TPT1: variants seen among roughly 807,000 people sequenced by gnomAD.
The protein encoded by TPT1 is translationally-controlled tumor protein.
In TPT1, 5 loss-of-function variants were observed where a neutral mutation model predicts 22.8. The ratio of observed to expected loss-of-function variants is 0.22; its 90% CI spans 0.11 to 0.46. The LOEUF (loss-of-function observed/expected upper bound fraction) is 0.46, where lower values mean the gene tolerates loss of function less well. Ranked by LOEUF, TPT1 falls within the 20% of genes least tolerant of loss-of-function variation. The pLI, the probability that TPT1 is intolerant of heterozygous loss-of-function variation, is 0.99. For missense variants in TPT1, 130 were observed against 218.7 expected, an observed-to-expected ratio of 0.59 and a Z score of 2.56; for synonymous variants, 89 against 73.6, an observed-to-expected ratio of 1.21 and a Z score of -1.07.
At chr13:45,339,243 G>A (rs1030554355) in intron 4 of TPT1, 3 of 417,860 alleles carry the variant, frequency 7.2e-6, no homozygotes, top group Middle Eastern at 6.4e-4. Context: ...GTAGCAATGA[G>A]ACACATTAAA....
Position 45,340,712 on chromosome 13 carries a change from CT to C in TPT1, c.101del (p.Lys34ArgfsTer33). 1 of 1,539,686 alleles carries C rather than the reference CT, an allele frequency of 6.5e-7. No homozygotes were observed. Among genetic ancestry groups the C allele is most frequent in the South Asian group, 1.3e-5 (1 of 79,832 alleles). On this transcript the variant is annotated frameshift_variant and splice_region_variant, in exon 2 of 6. Transcript: ENST00000530705. LOFTEE classifies it high-confidence loss of function. ...CCACGCGCAGGCCCGACCGACTCAC[CT>C]TCCCCTCCACCTCCAGGCACAACCC... is the stretch of plus-strand genomic sequence containing the variant. ...ADGLCLEVEG[K>X]MVSRTEGNID...
rs943027715 is a variant in TPT1 at position 45,335,966 on chromosome 13, A to T, written c.*1420T>A. On this transcript the variant is annotated 3_prime_UTR_variant, in exon 6 of 6. Transcript: ENST00000530705. ...GACCAGAGTCACTGGCCTGCTTTTA[A>T]TCTTTCTTTTACAAGTGTAATCAAC... 5.9e-5 allele frequency: 9 copies of T among 152,148 alleles called. No individual in the cohort carries two copies. Among genetic ancestry groups the T allele is most frequent in the African/African-American group, 2.2e-4 (9 of 41,426 alleles). The allele number at this position is 152,148 out of a possible 1,614,324, so 9.4% of individuals were successfully genotyped here. A position where few individuals can be genotyped will look rare whatever the true frequency, so the allele number is the denominator to read the frequency against.
intron 5 of TPT1, chr13:45,338,263 G>T (rs919000439): frequency 3.0e-5 from 6 of 197,726 alleles, no homozygotes; most frequent in African/African-American, 1.2e-4. Context: ...GGGATTACAG[G>T]TGCCCGCTGC....
Position 45,336,066 on chromosome 13 carries a change from G to C in TPT1, c.*1320C>G, listed in dbSNP as rs1878663425. On this transcript the variant is annotated 3_prime_UTR_variant, in exon 6 of 6. Coordinates refer to ENST00000530705, the MANE Select transcript of TPT1 (RefSeq NM_003295.4). ...CCTCCCAGGCTAGGCCTGCACTTTGGGAGGCTGAGGTGGGCAGATCTCCTT... is the reference window on the plus strand; with the variant it reads ...CCTCCCAGGCTAGGCCTGCACTTTGCGAGGCTGAGGTGGGCAGATCTCCTT... 1 of 152,224 alleles carries C rather than the reference G, an allele frequency of 6.6e-6. No individual in the cohort carries two copies. The highest frequency in any genetic ancestry group is 2.1e-4 in the South Asian group (1 of 4,836). The allele number at this position is 152,224 out of a possible 1,614,324, so 9.4% of individuals were successfully genotyped here. A position where few individuals can be genotyped will look rare whatever the true frequency, so the allele number is the denominator to read the frequency against.
At chr13:45,340,609 C>T (rs1459920113) in intron 2 of TPT1, 103 bp downstream of exon 2, 2 of 1,343,514 alleles carry the variant, frequency 1.5e-6, no homozygotes, top group Non-Finnish European at 2.1e-6. Context: ...GTCTCCTCCG[C>T]CAGGAGGCGG....
At position 45,335,258 on chromosome 13, in the gene TPT1, G is replaced by C. The variant is rs887656685; in HGVS notation, c.*2128C>G. 7 of 152,150 alleles carry C rather than the reference G, an allele frequency of 4.6e-5. No homozygotes were observed. Among genetic ancestry groups the C allele is most frequent in the East Asian group, 1.9e-4 (1 of 5,196 alleles). 9.4% of individuals were successfully genotyped at this position (152,150 alleles called of 1,614,324 possible). ...GGTTTACCATGAGGTAAACAGCTGG[G>C]GTTCATCACTTCTGACTTAAATAGA... On this transcript the variant is annotated 3_prime_UTR_variant, in exon 6 of 6. Transcript: ENST00000530705.
Position 45,336,414 on chromosome 13 carries a change from T to C in TPT1, c.*972A>G, listed in dbSNP as rs917666822. The C allele has an allele frequency of 2.0e-5, 3 of 152,248 alleles. No individual in the cohort carries two copies. The highest frequency in any genetic ancestry group is 6.5e-5 in the Admixed American group (1 of 15,284). 9.4% of individuals were successfully genotyped at this position (152,248 alleles called of 1,614,324 possible). On this transcript the variant is annotated 3_prime_UTR_variant, in exon 6 of 6. Transcript: ENST00000530705. ...CTGTGGTGGAAACCATAGCAGCAGATAGCAACTGCTCCAGGTCTGTCAAAT... is the reference window on the plus strand; with the variant it reads ...CTGTGGTGGAAACCATAGCAGCAGACAGCAACTGCTCCAGGTCTGTCAAAT...
chr13:45,340,642 G>A, intron 2 of TPT1, 70 bp downstream of exon 2: 2 of 1,513,384 alleles, frequency 1.3e-6, no homozygotes, highest in Non-Finnish European at 1.8e-6. Flanking sequence ...CACAACCTCA[G>A]GCGGGGGAGC....
At position 45,338,660 on chromosome 13, in the gene TPT1, A is replaced by G. The variant is rs145152286; in HGVS notation, c.516T>C (p.Cys172=). The G allele has an allele frequency of 6.8e-6, 11 of 1,612,640 alleles. No homozygotes were observed. The African/African-American group carries it at 1.3e-4, about 20-fold the overall frequency. The change falls in exon 5 of 6, where the codon TGT becomes TGC. Residue 172 remains cysteine (C), a splice_region_variant and synonymous_variant. Coordinates refer to ENST00000530705, the MANE Select transcript of TPT1 (RefSeq NM_003295.4). The part of the protein sequence containing the change: ...FFKDGLEMEK[C] ...TTTTAACCCACTTCCTTGTACTTAC[A>G]CATTTTTCCATTTCTAAACCATCCT...
At chr13:45,337,622 A>G (rs1194436860) in intron 5 of TPT1, 1 of 1,530,272 alleles carries the variant, frequency 6.5e-7, no homozygotes, top group African/African-American at 1.4e-5. Flanking sequence ...CACCCTTACC[A>G]AATCAGCGGT....
chr13:45,340,344 G>A (rs770091714), intron 2 of TPT1, 160 bp from the exon 3 acceptor site: 1 of 1,034,706 alleles, frequency 9.7e-7, no homozygotes, highest in Non-Finnish European at 1.5e-6. Flanking sequence ...TTCTCAAAAC[G>A]ACCTAACTTA....
At chr13:45,339,833 T>C in intron 3 of TPT1, 161 bp downstream of exon 3, 1 of 825,566 alleles carries the variant, frequency 1.2e-6, no homozygotes, top group Admixed American at 3.0e-5. Context: ...TTCAGTATGC[T>C]CATATTATAG....
At chr13:45,340,581 C>T (rs1879034649) in intron 2 of TPT1, 131 bp downstream of exon 2, 1 of 1,159,342 alleles carries the variant, frequency 8.6e-7, no homozygotes, top group African/African-American at 1.5e-5. Context: ...TCTAGAAAAA[C>T]CCAAGCCCGG....
At chr13:45,340,870 T>A in intron 1 of TPT1, 85 bp from the exon 2 acceptor site, 1 of 1,456,976 alleles carries the variant, frequency 6.9e-7, no homozygotes, top group Non-Finnish European at 9.1e-7. Context: ...GCACGCGGGA[T>A]CTGCCCCTCC....
At chr13:45,338,979 A>G (rs1878900564) in intron 4 of TPT1, 1 of 479,810 alleles carries the variant, frequency 2.1e-6, no homozygotes. Flanking sequence ...AAAATAACGT[A>G]CAGAGCAATC....
chr13:45,340,942 G>A (rs757915913), intron 1 of TPT1, 100 bp downstream of exon 1: 192 of 1,539,818 alleles, frequency 1.2e-4, no homozygotes, highest in Non-Finnish European at 1.6e-4. Context: ...GGCTAAGACC[G>A]CCGGCGTCCC....
In TPT1 at chr13:45,337,368, A is replaced by G; in HGVS notation, c.*18T>C. 6.2e-7 allele frequency: 1 copy of G among 1,613,850 alleles called. No homozygotes were observed. Among genetic ancestry groups the G allele is most frequent in the Non-Finnish European group, 8.5e-7 (1 of 1,179,810 alleles). On this transcript the variant is annotated 3_prime_UTR_variant, in exon 6 of 6. Transcript: ENST00000530705. The stretch of plus-strand genomic sequence containing the variant: ...GTTATGATGACAGGTGATAGATCCA[A>G]AATAATTGCCACATTTGTTACTGTA...
chr13:45,340,470 C>T (rs925748951), intron 2 of TPT1: 2 of 739,506 alleles, frequency 2.7e-6, no homozygotes, highest in African/African-American at 3.4e-5. Flanking sequence ...GAAAGGACTC[C>T]AGGCTCCTAA....
chr13:45,339,489 G>GT lies in TPT1; in HGVS notation c.399+7dup, dbSNP rs779666671. 1 of 1,607,300 alleles carries GT rather than the reference G, an allele frequency of 6.2e-7. No homozygotes were observed. Among genetic ancestry groups the GT allele is most frequent in the African/African-American group, 1.3e-5 (1 of 74,710 alleles). Reference sequence around the variant, plus strand: ...CAATCCTTTGATCCAGATACTTAAGGTATTTACCTGGTAGTTTTTGAAATT... The same window carrying GT: ...CAATCCTTTGATCCAGATACTTAAGGTTATTTACCTGGTAGTTTTTGAAATT... On this transcript the variant is annotated splice_region_variant and intron_variant, in intron 4 of 5. Coordinates refer to ENST00000530705, the MANE Select transcript of TPT1 (RefSeq NM_003295.4).
Sources: gnomAD v4.1 joint callset for allele counts on GRCh38, gnomAD v4.1.1 for gene constraint, MANE v1.5 for transcripts, NCBI Gene and HGNC (gene_info 2026-07-23, HGNC 2026-07-21) for gene names.